Variants in NEBL observed in about 807,000 individuals in gnomAD.
NEBL encodes the protein nebulette.
NEBL carries 122 observed loss-of-function variants against 140.2 expected under a neutral mutation model. The ratio of observed to expected loss-of-function variants is 0.87; its 90% CI spans 0.75 to 1.01. The LOEUF (loss-of-function observed/expected upper bound fraction) is 1.01. NEBL is among the 50% of genes least tolerant of loss of function. The probability of loss-of-function intolerance (pLI) is 0.00; values close to 1 mark genes in which losing one functional copy is unlikely to be tolerated. For synonymous variants in NEBL, 436 were observed against 398.9 expected (o/e 1.09, Z -1.11); for missense variants, 1,365 against 1,231.3 (o/e 1.11, Z -1.62).
chr10:21,265,744 G>A (rs1028266964), intron 1 of NEBL, among the ~76,000 whole-genome samples: 5 of 152,158 alleles, frequency 3.3e-5, no homozygotes, highest in Non-Finnish European at 7.3e-5. Flanking sequence ...AATATTTTTG[G>A]CTTTCCAAGC....
In NEBL at chr10:21,229,582, A is replaced by G. The variant is rs116433261; in HGVS notation, n.348+18339T>C. ...ACCATGAATTTCACCCTCTACTGAA[A>G]CTCCCTCAGCTCTCATCTGACTGGA... On this transcript the variant is annotated intron_variant and non_coding_transcript_variant, in intron 3 of 8. Coordinates refer to the NEBL transcript ENST00000675702. Among the ~76,000 whole-genome samples, 163 of 152,220 alleles carry G rather than the reference A, an allele frequency of 1.1e-3. 2 individuals carry two copies. Among genetic ancestry groups the G allele is most frequent in the African/African-American group, 3.8e-3 (157 of 41,520 alleles).
At chr10:21,116,213 G>A (rs1838278516) in intron 2 of NEBL, among the ~76,000 whole-genome samples, 1 of 151,948 alleles carries the variant, frequency 6.6e-6, no homozygotes, top group Non-Finnish European at 1.5e-5. Context: ...AGACTGGGTG[G>A]CTTAAACAAC....
intron 3 of NEBL, among the ~76,000 whole-genome samples, chr10:21,214,305 T>C (rs1339027374): frequency 6.6e-6 from 1 of 152,172 alleles, no homozygotes; most frequent in Non-Finnish European, 1.5e-5. Flanking sequence ...AAATAAAGCA[T>C]TCTTTGTACT....
At chr10:20,851,501 T>C (rs966177554) in intron 10 of NEBL, among the ~76,000 whole-genome samples, 1 of 151,136 alleles carries the variant, frequency 6.6e-6, no homozygotes, top group Non-Finnish European at 1.5e-5. Flanking sequence ...AATGGCCGGG[T>C]GCAGTGGCTC....
chr10:21,189,627 G>C (rs1841540034), intron 3 of NEBL, among the ~76,000 whole-genome samples: 2 of 150,346 alleles, frequency 1.3e-5, no homozygotes, highest in Admixed American at 1.3e-4. Flanking sequence ...ACCGCGCCCA[G>C]CTAATTTTTT....
intron 3 of NEBL, among the ~76,000 whole-genome samples, chr10:21,197,210 G>A (rs1360069583): frequency 6.6e-6 from 1 of 152,204 alleles, no homozygotes; most frequent in Non-Finnish European, 1.5e-5. Flanking sequence ...TCCCTATGAG[G>A]TTGTTTAAAC....
In NEBL at chr10:20,782,020, A is replaced by G. The variant is rs1176337604; in HGVS notation, c.*3727T>C. On this transcript the variant is annotated 3_prime_UTR_variant, in exon 28 of 28. Coordinates refer to ENST00000377122, the MANE Select transcript of NEBL (RefSeq NM_006393.3). ...TCTTACAATAGGCATTTTAAATCCC[A>G]AATCTAAAGTTAATGTTTATATAGC... 6.6e-6 allele frequency: 1 copy of G among 152,602 alleles called. No individual in the cohort carries two copies. The highest frequency in any genetic ancestry group is 2.4e-5 in the African/African-American group (1 of 41,440). The allele number at this position is 152,602 out of a possible 1,614,324, so 9.5% of individuals were successfully genotyped here.
chr10:20,811,968 G>T (rs1405874044), intron 24 of NEBL, among the ~76,000 whole-genome samples: 5 of 152,024 alleles, frequency 3.3e-5, no homozygotes, highest in South Asian at 4.2e-4. Context: ...ATCCTTCTAG[G>T]ATTTCTCCTG....
intron 2 of NEBL, among the ~76,000 whole-genome samples, chr10:21,250,994 A>G (rs1281125039): frequency 6.6e-6 from 1 of 152,210 alleles, no homozygotes; most frequent in Non-Finnish European, 1.5e-5. Flanking sequence ...TTCTGGGTTG[A>G]GAAGAAACTC....
At chr10:20,836,925 C>T (rs1016212331) in intron 13 of NEBL, among the ~76,000 whole-genome samples, 3 of 152,094 alleles carry the variant, frequency 2.0e-5, no homozygotes. Flanking sequence ...CCAAATGCAC[C>T]CCTATAAGTC....
intron 3 of NEBL, among the ~76,000 whole-genome samples, chr10:21,186,610 C>T (rs558379965): frequency 2.0e-5 from 3 of 152,164 alleles, no homozygotes; most frequent in South Asian, 2.1e-4. Flanking sequence ...TAGAATGTGG[C>T]CCAACACAAA....
At chr10:20,818,717 T>C in intron 20 of NEBL, 2 of 882,286 alleles carry the variant, frequency 2.3e-6, no homozygotes, top group South Asian at 5.2e-5. Context: ...TCTTTGTGTC[T>C]GGGTGACCAG....
At chr10:21,130,117 G>A (rs1329887663) in intron 2 of NEBL, among the ~76,000 whole-genome samples, 1 of 107,582 alleles carries the variant, frequency 9.3e-6, no homozygotes, top group Admixed American at 7.9e-5. Context: ...TTCAAAACAG[G>A]GTAGAACTTC....
Position 20,785,743 on chromosome 10 carries a change from ATAAT to A in NEBL, c.3045_*3del. Reference sequence around the variant, plus strand: ...AATAAAGCTCAAAGGGCAGGGAGAAATAATTAATTAACAAACTCAATGTAATTCG... The same window carrying A: ...AATAAAGCTCAAAGGGCAGGGAGAAATAATTAACAAACTCAATGTAATTCG... On this transcript the variant is annotated stop_lost and 3_prime_UTR_variant, in exon 28 of 28. Transcript: ENST00000377122. 2 of 1,613,386 alleles carry A rather than the reference ATAAT, an allele frequency of 1.2e-6. No homozygotes were observed. The highest frequency in any genetic ancestry group is 8.5e-7 in the Non-Finnish European group (1 of 1,179,724).
rs556876443 is a variant in NEBL, at chr10:20,966,119, G to T, written c.250-4340C>A. 1.8e-4 allele frequency among the ~76,000 whole-genome samples: 27 copies of T among 152,300 alleles called. No homozygotes were observed. In the South Asian group the frequency reaches 1.9e-3, roughly 11 times the overall value. On this transcript the variant is annotated intron_variant, in intron 3 of 6. Transcript: ENST00000417816. The stretch of plus-strand genomic sequence containing the variant: ...TGCTTTGCCATATTTGCCTTCAGAA[G>T]TAACTTCAAAATGTCTTATGTCAAA...
intron 26 of NEBL, chr10:20,804,626 G>C (rs971965884): frequency 6.6e-6 from 1 of 152,206 alleles, no homozygotes; most frequent in Non-Finnish European, 1.5e-5. Context: ...ATCTGGGGTG[G>C]CAGAAGTATT....
intron 2 of NEBL, chr10:21,029,286 C>T: frequency 6.2e-7 from 1 of 1,605,414 alleles, no homozygotes; most frequent in Non-Finnish European, 8.5e-7. Flanking sequence ...CGCCACCCTA[C>T]ACTTCTTTTC....
At chr10:21,168,252 C>A (rs1840877595) in intron 2 of NEBL, among the ~76,000 whole-genome samples, 1 of 152,136 alleles carries the variant, frequency 6.6e-6, no homozygotes, top group African/African-American at 2.4e-5. Flanking sequence ...AATGAGAAAT[C>A]TTTATGTTTT....
At chr10:21,168,838 G>A (rs1370960364) in intron 2 of NEBL, among the ~76,000 whole-genome samples, 1 of 151,118 alleles carries the variant, frequency 6.6e-6, no homozygotes, top group African/African-American at 2.4e-5. Flanking sequence ...CACAAGGTCA[G>A]GAGATCGAGA....
Sources: gnomAD v4.1 joint callset for allele counts (sites outside exome capture counted in the v4.1 genomes callset) on GRCh38, gnomAD v4.1.1 for gene constraint, MANE v1.5 for transcripts, NCBI Gene and HGNC (gene_info 2026-07-23, HGNC 2026-07-21) for gene names.